The following DIAPH2 variants were observed in gnomAD, a reference collection of about 807,000 sequenced individuals.
DIAPH2 encodes diaphanous related formin 2.
A neutral mutation model predicts 92.7 loss-of-function variants in DIAPH2; 35 were observed. The ratio of observed to expected loss-of-function variants is 0.38; its 90% CI spans 0.29 to 0.50. DIAPH2 has a LOEUF of 0.50. Among genes scored for constraint, DIAPH2 ranks in the 20% least tolerant of loss-of-function variants. The pLI, the probability that DIAPH2 is intolerant of heterozygous loss-of-function variation, is 0.94. For synonymous variants in DIAPH2, 301 were observed against 280.4 expected, an observed-to-expected ratio of 1.07 and a Z score of -0.73; for missense variants, 701 against 819.5, an observed-to-expected ratio of 0.86 and a Z score of 1.77.
intron 2 of DIAPH2, 52 bp from the exon 3 acceptor site, chrX:96,738,519 AATTCTTCATGTTAGT>A: frequency 1.1e-6 from 1 of 946,604 alleles, no homozygotes; most frequent in Admixed American, 3.3e-5. Context: ...TTGATGTTTC[AATTCTTCATGTTAGT>A]AGTTCTTGAT....
chrX:97,388,478 T>C (rs914153216), intron 25 of DIAPH2, among the ~76,000 whole-genome samples: 5 of 111,674 alleles, frequency 4.5e-5, no homozygotes, highest in African/African-American at 1.3e-4. Context: ...CAGCCTCCCA[T>C]GTAGCTGGGA....
intron 19 of DIAPH2, among the ~76,000 whole-genome samples, chrX:97,078,961 C>T (rs1374166032): frequency 9.0e-6 from 1 of 110,667 alleles, no homozygotes; most frequent in Non-Finnish European, 1.9e-5. Context: ...TGAGAAAGAG[C>T]GCATAAAAGA....
At chrX:97,560,451 C>A (rs1016494597) in intron 26 of DIAPH2, among the ~76,000 whole-genome samples, 1 of 111,814 alleles carries the variant, frequency 8.9e-6, no homozygotes, top group African/African-American at 3.3e-5. Flanking sequence ...CATGCTCTGG[C>A]CAGATTTAAA....
chrX:97,094,556 C>G (rs887650466), intron 19 of DIAPH2, among the ~76,000 whole-genome samples: 1 of 112,054 alleles, frequency 8.9e-6, no homozygotes, highest in African/African-American at 3.2e-5. Flanking sequence ...TGGTAATCAG[C>G]ATTTTAACAT....
chrX:97,034,733 A>G (rs1255451612), intron 17 of DIAPH2, among the ~76,000 whole-genome samples: 1 of 111,352 alleles, frequency 9.0e-6, no homozygotes, highest in Non-Finnish European at 1.9e-5. Flanking sequence ...CATTGTAACT[A>G]CTGAACACTC....
chrX:96,772,466 C>T (rs1478345730), intron 4 of DIAPH2, among the ~76,000 whole-genome samples: 1 of 111,676 alleles, frequency 9.0e-6, no homozygotes, highest in African/African-American at 3.3e-5. Flanking sequence ...TATTTCCTGT[C>T]AGTGGTCCAC....
chrX:97,537,085 A>C (rs1477650052), intron 26 of DIAPH2, among the ~76,000 whole-genome samples: 1 of 111,940 alleles, frequency 8.9e-6, no homozygotes, highest in Non-Finnish European at 1.9e-5. Context: ...TACTAGGGAC[A>C]TCTCAGAAGC....
rs1281116366 is a variant in DIAPH2 at position 97,504,004 on chromosome X, C to T, written c.3241+74259C>T. ...ATTTAGCACATTTGTATAGTTGCAACGTAGTGATGAGTGATGTGTCTAATG... is the reference window on the plus strand; with the variant it reads ...ATTTAGCACATTTGTATAGTTGCAATGTAGTGATGAGTGATGTGTCTAATG... On this transcript the variant is annotated intron_variant, in intron 26 of 26. Transcript: ENST00000324765. Among the ~76,000 whole-genome samples, 5 of 111,397 alleles carry T rather than the reference C, an allele frequency of 4.5e-5. No individual in the cohort carries two copies. In the South Asian group the frequency reaches 1.1e-3, roughly 25 times the overall value.
chrX:97,432,475 A>AT (rs1556083626), intron 26 of DIAPH2, among the ~76,000 whole-genome samples: 1 of 105,712 alleles, frequency 9.5e-6, no homozygotes, highest in Non-Finnish European at 1.9e-5. Flanking sequence ...TTGTATTTTT[A>AT]TTTTATTTTT....
chrX:97,411,794 A>G (rs1355199877), intron 25 of DIAPH2, among the ~76,000 whole-genome samples: 1 of 111,878 alleles, frequency 8.9e-6, no homozygotes, highest in Non-Finnish European at 1.9e-5. Flanking sequence ...CAAAGATCAA[A>G]AGAGACAAAG....
At chrX:97,469,665 T>G in intron 26 of DIAPH2, 1 of 1,189,539 alleles carries the variant, frequency 8.4e-7, no homozygotes, top group Non-Finnish European at 1.1e-6. Flanking sequence ...TTTCAAATAA[T>G]TTTTCTCTTT....
At chrX:96,747,080 G>A (rs1453157362) in intron 3 of DIAPH2, among the ~76,000 whole-genome samples, 1 of 111,746 alleles carries the variant, frequency 8.9e-6, no homozygotes, top group Non-Finnish European at 1.9e-5. Context: ...TGAGTATACT[G>A]CTTAGGGACT....
At chrX:97,164,016 C>G in intron 22 of DIAPH2, among the ~76,000 whole-genome samples, 1 of 111,943 alleles carries the variant, frequency 8.9e-6, no homozygotes, top group Non-Finnish European at 1.9e-5. Context: ...TAAATTGGCT[C>G]AATGTATGCA....
intron 21 of DIAPH2, among the ~76,000 whole-genome samples, chrX:97,129,184 C>G (rs1187867579): frequency 1.5e-5 from 1 of 65,537 alleles, no homozygotes; most frequent in Non-Finnish European, 2.8e-5. Context: ...CTTTTCTTTC[C>G]TCTTTCTTGT....
intron 23 of DIAPH2, among the ~76,000 whole-genome samples, chrX:97,255,655 T>C (rs2068230544): frequency 8.9e-6 from 1 of 112,252 alleles, no homozygotes; most frequent in South Asian, 3.7e-4. Context: ...AGCTTGTTTT[T>C]CTGGCATAGC....
At position 97,329,683 on chromosome X, in the gene DIAPH2, G is replaced by A. The variant is rs970450622; in HGVS notation, c.2845-18433G>A. On this transcript the variant is annotated intron_variant, in intron 23 of 26. Coordinates refer to ENST00000324765, the MANE Select transcript of DIAPH2 (RefSeq NM_006729.5). ...AAAGGGAGAGCACATGTGAGGGAAC[G>A]AGCCGGGTTCTCCACTTATGGTTGG... is the stretch of plus-strand genomic sequence containing the variant. 2.6e-4 allele frequency among the ~76,000 whole-genome samples: 29 copies of A among 110,782 alleles called. No individual in the cohort carries two copies. In the Admixed American group the frequency reaches 2.6e-3, roughly 10 times the overall value.
At chrX:97,373,099 A>G (rs1284775259) in intron 24 of DIAPH2, among the ~76,000 whole-genome samples, 2 of 112,415 alleles carry the variant, frequency 1.8e-5, no homozygotes, top group African/African-American at 6.5e-5. Context: ...GACTCAATGT[A>G]AACACTAATC....
chrX:96,979,857 A>G (rs1393236231), intron 17 of DIAPH2, among the ~76,000 whole-genome samples: 1 of 111,901 alleles, frequency 8.9e-6, no homozygotes, highest in Middle Eastern at 4.2e-3. Flanking sequence ...GAATGAGGGC[A>G]CTGGAGCTAG....
At chrX:97,553,006 A>G (rs967174376) in intron 26 of DIAPH2, among the ~76,000 whole-genome samples, 1 of 111,610 alleles carries the variant, frequency 9.0e-6, no homozygotes, top group African/African-American at 3.3e-5. Context: ...ATTTAACTTA[A>G]TTACTACTTT....
Sources: allele counts gnomAD v4.1 joint callset (sites outside exome capture counted in the v4.1 genomes callset), GRCh38; gene constraint gnomAD v4.1.1; transcripts MANE v1.5; gene names NCBI Gene and HGNC (gene_info 2026-07-23, HGNC 2026-07-21).